The following TMEM132D variants were observed in gnomAD, a reference collection of about 807,000 sequenced individuals.
TMEM132D encodes transmembrane protein 132D.
Under a neutral mutation model 62.3 loss-of-function variants are expected in TMEM132D, and 21 were observed. The observed-to-expected ratio is 0.34, with a 90% CI of 0.24 to 0.49. The LOEUF (loss-of-function observed/expected upper bound fraction) is 0.49. TMEM132D is among the 20% of genes least tolerant of loss of function. The probability of loss-of-function intolerance (pLI) is 0.99; values close to 1 mark genes in which losing one functional copy is unlikely to be tolerated. For synonymous variants in TMEM132D, 621 were observed against 575.6 expected (o/e 1.08, Z -1.13); for missense variants, 1,346 against 1,402.8 (o/e 0.96, Z 0.65).
intron 3 of TMEM132D, among the ~76,000 whole-genome samples, chr12:129,452,152 T>C (rs1873310712): frequency 2.0e-5 from 3 of 152,318 alleles, no homozygotes; most frequent in Non-Finnish European, 1.5e-5. Flanking sequence ...CACCGTTCCA[T>C]CTGGCCCACT....
chr12:129,550,418 TC>T (rs1263037669), intron 2 of TMEM132D, among the ~76,000 whole-genome samples: 9 of 152,174 alleles, frequency 5.9e-5, no homozygotes. Flanking sequence ...GGTTCTTTCT[TC>T]CGTATTTCCC....
chr12:129,160,335 A>G (rs568410300), intron 5 of TMEM132D, among the ~76,000 whole-genome samples: 1 of 152,358 alleles, frequency 6.6e-6, no homozygotes, highest in East Asian at 1.9e-4. Flanking sequence ...GGCCTCACCA[A>G]TCACTAAATC....
chr12:129,580,306 A>G (rs1877810189), intron 2 of TMEM132D, among the ~76,000 whole-genome samples: 1 of 152,230 alleles, frequency 6.6e-6, no homozygotes, highest in African/African-American at 2.4e-5. Flanking sequence ...ATCCAGCTGA[A>G]GCCTGTACAG....
intron 4 of TMEM132D, among the ~76,000 whole-genome samples, chr12:129,336,259 T>C (rs1408288139): frequency 2.6e-5 from 4 of 152,190 alleles, no homozygotes; most frequent in African/African-American, 7.2e-5. Flanking sequence ...TTTTTGTTTC[T>C]AGCTCTACCA....
At chr12:129,369,129 C>G (rs1353052726) in intron 3 of TMEM132D, among the ~76,000 whole-genome samples, 1 of 152,178 alleles carries the variant, frequency 6.6e-6, no homozygotes. Flanking sequence ...TCGACTTGGA[C>G]CTTTGTTCTA....
chr12:129,709,614 C>T (rs978308990), intron 1 of TMEM132D, among the ~76,000 whole-genome samples: 4 of 152,274 alleles, frequency 2.6e-5, no homozygotes, highest in Non-Finnish European at 2.9e-5. Context: ...TTCCTCCTGA[C>T]GTCTTGGATT....
chr12:129,650,187 T>C (rs1879892468), intron 2 of TMEM132D, among the ~76,000 whole-genome samples: 1 of 152,198 alleles, frequency 6.6e-6, no homozygotes, highest in Non-Finnish European at 1.5e-5. Flanking sequence ...ATATAATTGT[T>C]TTGCAAGTTT....
At position 129,447,255 on chromosome 12, in the gene TMEM132D, G is replaced by T. The variant is rs565142275; in HGVS notation, c.1115+83804C>A. Among the ~76,000 whole-genome samples the T allele has an allele frequency of 2.6e-5, 4 of 152,244 alleles. No individual in the cohort carries two copies. In the South Asian group the frequency reaches 6.2e-4, roughly 24 times the overall value. ...AGAGGCATTTCTATCTCAGGAAATT[G>T]TCTAGGTCAGTCTTCTCACTTCAGT... is the stretch of plus-strand genomic sequence containing the variant. On this transcript the variant is annotated intron_variant, in intron 3 of 8. Transcript: ENST00000422113.
rs113541217 is a variant in TMEM132D at position 129,415,394 on chromosome 12, A to G, written c.1116-77577T>C. On this transcript the variant is annotated intron_variant, in intron 3 of 8. Transcript: ENST00000422113. ...GGTATGTGAGGGGCTATCTCATAGT[A>G]GATTGGTATACGGGCCATTTTTGAT... 6.6e-3 allele frequency among the ~76,000 whole-genome samples: 1,012 copies of G among 152,336 alleles called. 19 individuals are homozygous for G. Among genetic ancestry groups the G allele is most frequent in the African/African-American group, 0.023 (957 of 41,576 alleles).
intron 5 of TMEM132D, among the ~76,000 whole-genome samples, chr12:129,099,982 C>A (rs1226353893): frequency 2.5e-5 from 3 of 122,042 alleles, no homozygotes; most frequent in Admixed American, 1.4e-4. Flanking sequence ...CCCGCCACTA[C>A]GCCCGGCTAA....
At chr12:129,297,723 C>A (rs552291192) in intron 4 of TMEM132D, among the ~76,000 whole-genome samples, 1 of 152,106 alleles carries the variant, frequency 6.6e-6, no homozygotes, top group East Asian at 1.9e-4. Flanking sequence ...ACTGGATAAG[C>A]GAGGTTATCA....
chr12:129,667,004 A>AT (rs1048680763), intron 2 of TMEM132D, among the ~76,000 whole-genome samples: 26 of 61,898 alleles, frequency 4.2e-4, no homozygotes, highest in African/African-American at 8.0e-4. Flanking sequence ...GGTTAATCTT[A>AT]TAAAAAAATT....
rs571156054 is a variant in TMEM132D at position 129,374,122 on chromosome 12, A to G, written c.1116-36305T>C. Among the ~76,000 whole-genome samples, 4 of 152,310 alleles carry G rather than the reference A, an allele frequency of 2.6e-5. No homozygotes were observed. The South Asian group carries it at 8.3e-4, about 32-fold the overall frequency. On this transcript the variant is annotated intron_variant, in intron 3 of 8. Coordinates refer to ENST00000422113, the MANE Select transcript of TMEM132D (RefSeq NM_133448.3). ...CAGTTAGAGTAGCTAATGAAATACC[A>G]TAGACTAGTGGCTTATAAACAACGG... is the stretch of plus-strand genomic sequence containing the variant.
intron 1 of TMEM132D, among the ~76,000 whole-genome samples, chr12:129,895,297 C>G (rs1353111539): frequency 6.6e-6 from 1 of 152,202 alleles, no homozygotes; most frequent in Non-Finnish European, 1.5e-5. Context: ...TTACTGAAAT[C>G]TCTATCTTTA....
intron 1 of TMEM132D, among the ~76,000 whole-genome samples, chr12:129,761,924 T>A (rs1401473294): frequency 6.6e-6 from 1 of 152,124 alleles, no homozygotes; most frequent in Admixed American, 6.5e-5. Context: ...AAATGGGTCC[T>A]AGGAGAGTGA....
In TMEM132D at chr12:129,771,266, G is replaced by A. The variant is rs549569596; in HGVS notation, c.80-70568C>T. Among the ~76,000 whole-genome samples the A allele has an allele frequency of 1.1e-4, 17 of 152,264 alleles. No homozygotes were observed. In the South Asian group the frequency reaches 3.3e-3, roughly 30 times the overall value. On this transcript the variant is annotated intron_variant, in intron 1 of 8. Transcript: ENST00000422113. ...CAGTGGTTCCATTCCTGGCTCTACC[G>A]CATACCAACTGTGCAGGTTTGAGGG...
At chr12:129,155,894 C>T (rs966315780) in intron 5 of TMEM132D, among the ~76,000 whole-genome samples, 1 of 151,884 alleles carries the variant, frequency 6.6e-6, no homozygotes, top group Non-Finnish European at 1.5e-5. Context: ...AGTAACCAAC[C>T]CACTCCCAAG....
chr12:129,508,733 C>T (rs1355017528), intron 3 of TMEM132D, among the ~76,000 whole-genome samples: 2 of 144,608 alleles, frequency 1.4e-5, no homozygotes, highest in African/African-American at 5.4e-5. Flanking sequence ...ACTGAATAAA[C>T]TAAGAGTCTC....
At chr12:129,445,234 C>G (rs1873061325) in intron 3 of TMEM132D, among the ~76,000 whole-genome samples, 1 of 152,148 alleles carries the variant, frequency 6.6e-6, no homozygotes, top group South Asian at 2.1e-4. Flanking sequence ...ACCACATATT[C>G]TCACTTATAA....
Sources: gnomAD v4.1 joint callset for allele counts (sites outside exome capture counted in the v4.1 genomes callset) on GRCh38, gnomAD v4.1.1 for gene constraint, MANE v1.5 for transcripts, NCBI Gene and HGNC (gene_info 2026-07-23, HGNC 2026-07-21) for gene names.